ADAM18: variants seen among roughly 807,000 people sequenced by gnomAD.
The protein encoded by ADAM18 is disintegrin and metalloproteinase domain-containing protein 18.
In ADAM18, 117 loss-of-function variants were observed where a neutral mutation model predicts 94.4. The observed-to-expected ratio is 1.24, with a 90% CI of 1.07 to 1.45. The LOEUF (loss-of-function observed/expected upper bound fraction) is 1.45. ADAM18 is among the 40% of genes most tolerant of loss of function. The pLI is 0.00. For missense variants in ADAM18, 936 were observed against 880.0 expected (o/e 1.06, Z -0.81); for synonymous variants, 327 against 291.6 (o/e 1.12, Z -1.24).
chr8:39,723,845 T>A lies in ADAM18; in HGVS notation c.2115T>A (p.Thr705=). The stretch of plus-strand genomic sequence containing the variant: ...TGCCGTTTTTCATAGTTTTCACCAC[T>A]GTGATCTTTAAAAGAAATGAAATAA... The part of the protein sequence containing the change: ...IFLPFFIVFT[T]VIFKRNEISK... The change falls in exon 19 of 20, where the codon ACT becomes ACA. Residue 705 remains threonine (T), a synonymous_variant. Coordinates refer to ENST00000265707, the MANE Select transcript of ADAM18 (RefSeq NM_014237.3). The A allele has an allele frequency of 1.3e-6, 2 of 1,580,714 alleles. No individual in the cohort carries two copies. The highest frequency in any genetic ancestry group is 1.7e-6 in the Non-Finnish European group (2 of 1,162,316).
At chr8:39,727,190 C>G (rs900790056) in intron 19 of ADAM18, among the ~76,000 whole-genome samples, 1 of 152,172 alleles carries the variant, frequency 6.6e-6, no homozygotes, top group African/African-American at 2.4e-5. Flanking sequence ...ACAAAGGTCC[C>G]TGAAATGTAT....
chr8:39,670,329 C>T (rs1821120547), intron 14 of ADAM18, among the ~76,000 whole-genome samples: 1 of 152,086 alleles, frequency 6.6e-6, no homozygotes, highest in South Asian at 2.1e-4. Context: ...AAATTTCATC[C>T]TCTGATGCAG....
intron 14 of ADAM18, among the ~76,000 whole-genome samples, chr8:39,669,706 G>T (rs1259082926): frequency 1.3e-5 from 2 of 151,868 alleles, no homozygotes; most frequent in Admixed American, 6.6e-5. Context: ...TCTTAATCCA[G>T]TCCATCATTG....
chr8:39,701,667 G>A (rs1162577593), intron 17 of ADAM18, among the ~76,000 whole-genome samples: 2 of 152,088 alleles, frequency 1.3e-5, no homozygotes, highest in African/African-American at 2.4e-5. Context: ...GGGCCCCACT[G>A]TGTGTTGTTC....
At chr8:39,661,628 A>C (rs1820844289) in intron 12 of ADAM18, among the ~76,000 whole-genome samples, 1 of 152,074 alleles carries the variant, frequency 6.6e-6, no homozygotes, top group Non-Finnish European at 1.5e-5. Flanking sequence ...CAAGACTATA[A>C]AACAGTATCA....
rs141959116 is a variant in ADAM18, at chr8:39,597,407, A to G, written c.133-8900A>G. On this transcript the variant is annotated intron_variant, in intron 2 of 19. Transcript: ENST00000265707. The stretch of plus-strand genomic sequence containing the variant: ...TCTTCAAGTAGTTTTATAGTTGTGT[A>G]TTTTACATTTTGGTCTGTTATTAAT... Among the ~76,000 whole-genome samples, 1,175 of 152,140 alleles carry G rather than the reference A, an allele frequency of 7.7e-3. 10 individuals are homozygous for G. The highest frequency in any genetic ancestry group is 0.027 in the African/African-American group (1,119 of 41,488).
chr8:39,684,949 T>G (rs1821569761), intron 16 of ADAM18, among the ~76,000 whole-genome samples: 1 of 152,254 alleles, frequency 6.6e-6, no homozygotes, highest in Admixed American at 6.5e-5. Context: ...TACTGGTGCC[T>G]GCAGCCCCCA....
chr8:39,623,572 A>T (rs1819678243), intron 6 of ADAM18, among the ~76,000 whole-genome samples: 1 of 151,578 alleles, frequency 6.6e-6, no homozygotes, highest in South Asian at 2.1e-4. Context: ...ATCTCATTAT[A>T]ATTTTTTGTT....
Position 39,629,420 on chromosome 8 carries a change from T to G in ADAM18, c.569T>G (p.Ile190Ser). Residue 190 changes from isoleucine (I) to serine (S), a missense_variant, in exon 7 of 20, where the codon ATT (isoleucine) becomes AGT (serine). Physicochemically the swap from Ile to Ser is moderately radical, Grantham distance 142. Coordinates refer to ENST00000265707, the MANE Select transcript of ADAM18 (RefSeq NM_014237.3). Reference sequence around the variant, plus strand: ...TTACCCCAATATCTGGAAATATACATTATAGTGGAAAAAGCTTTGGTAAGT... The same window carrying G: ...TTACCCCAATATCTGGAAATATACAGTATAGTGGAAAAAGCTTTGGTAAGT... Reference protein sequence around the residue: ...KLLPQYLEIYIIVEKALYDYM... With the variant: ...KLLPQYLEIYSIVEKALYDYM... 2 of 1,583,070 alleles carry G rather than the reference T, an allele frequency of 1.3e-6. No homozygotes were observed. Among genetic ancestry groups the G allele is most frequent in the Non-Finnish European group, 1.7e-6 (2 of 1,163,364 alleles).
rs539725126 is a variant in ADAM18 at position 39,651,601 on chromosome 8, G to A, written c.1230+3074G>A. On this transcript the variant is annotated intron_variant, in intron 12 of 19. Transcript: ENST00000265707. ...TAATCCATTTAACCTTGAGTTGACA[G>A]CACATGTTTTCAGGGAGCACAGGGT... 4.4e-5 allele frequency among the ~76,000 whole-genome samples: 3 copies of A among 68,352 alleles called. No individual in the cohort carries two copies. The East Asian group carries it at 6.3e-4, about 14-fold the overall frequency. 44.8% of individuals were successfully genotyped at this position (68,352 alleles called of 152,430 possible).
chr8:39,719,550 G>A lies in ADAM18; in HGVS notation c.2018-4198G>A, dbSNP rs1268325434. On this transcript the variant is annotated intron_variant, in intron 18 of 19. Transcript: ENST00000265707. ...AGCCACTGCCCCTTAACAAATATTT[G>A]TAAAATATATACCTGATAAAGTATT... Among the ~76,000 whole-genome samples the A allele has an allele frequency of 2.0e-5, 3 of 151,310 alleles. No homozygotes were observed. In the East Asian group the frequency reaches 5.8e-4, roughly 29 times the overall value.
intron 7 of ADAM18, among the ~76,000 whole-genome samples, chr8:39,634,258 C>T (rs1481913842): frequency 4.6e-5 from 7 of 152,146 alleles, no homozygotes; most frequent in Admixed American, 1.3e-4. Flanking sequence ...TCTCCAGGCT[C>T]ACAGAGTGCA....
chr8:39,650,835 G>A (rs375970057), intron 12 of ADAM18, among the ~76,000 whole-genome samples: 2 of 152,142 alleles, frequency 1.3e-5, no homozygotes, highest in African/African-American at 2.4e-5. Context: ...GGCGTTTCTT[G>A]TCAGGTGGAA....
intron 16 of ADAM18, among the ~76,000 whole-genome samples, chr8:39,687,888 T>A (rs182856057): frequency 1.7e-3 from 258 of 152,346 alleles, no homozygotes; most frequent in African/African-American, 6.0e-3. Context: ...GGCGTCTTCA[T>A]TGATTCATGT....
At chr8:39,592,351 A>G (rs1215133801) in intron 2 of ADAM18, among the ~76,000 whole-genome samples, 1 of 152,200 alleles carries the variant, frequency 6.6e-6, no homozygotes, top group Non-Finnish European at 1.5e-5. Context: ...CATTGATAAA[A>G]AAAGGAATAT....
chr8:39,660,429 C>T (rs1320437066), intron 12 of ADAM18, among the ~76,000 whole-genome samples: 1 of 152,014 alleles, frequency 6.6e-6, no homozygotes, highest in Non-Finnish European at 1.5e-5. Context: ...CACATAGTAA[C>T]CGAAAAAGAA....
intron 2 of ADAM18, among the ~76,000 whole-genome samples, chr8:39,587,723 G>A (rs903872911): frequency 8.5e-5 from 13 of 152,116 alleles, no homozygotes; most frequent in African/African-American, 3.1e-4. Flanking sequence ...TGGCATTACA[G>A]GCGTTAGCCA....
At chr8:39,722,078 A>G (rs1044360753) in intron 18 of ADAM18, among the ~76,000 whole-genome samples, 18 of 149,968 alleles carry the variant, frequency 1.2e-4, no homozygotes, top group African/African-American at 4.4e-4. Flanking sequence ...TTGATATCAT[A>G]TATATATCAA....
At chr8:39,604,434 C>T (rs910492498) in intron 2 of ADAM18, among the ~76,000 whole-genome samples, 11 of 152,008 alleles carry the variant, frequency 7.2e-5, no homozygotes, top group African/African-American at 1.9e-4. Flanking sequence ...TATATGTGTT[C>T]GCTCCAAATC....
Sources: allele counts gnomAD v4.1 joint callset (sites outside exome capture counted in the v4.1 genomes callset), GRCh38; gene constraint gnomAD v4.1.1; transcripts MANE v1.5; gene names NCBI Gene and HGNC (gene_info 2026-07-23, HGNC 2026-07-21).